EIF4E3: variants seen among roughly 807,000 people sequenced by gnomAD.
EIF4E3 encodes eukaryotic translation initiation factor 4E type 3.
A neutral mutation model predicts 31.7 loss-of-function variants in EIF4E3; 26 were observed. The observed-to-expected ratio is 0.82, with a 90% CI of 0.60 to 1.14. The LOEUF (loss-of-function observed/expected upper bound fraction) is 1.14. EIF4E3 is among the 50% of genes most tolerant of loss of function. The probability of loss-of-function intolerance (pLI) is 0.00; values close to 1 mark genes in which losing one functional copy is unlikely to be tolerated. For synonymous variants in EIF4E3, 128 were observed against 107.7 expected (o/e 1.19, Z -1.17); for missense variants, 304 against 270.9 (o/e 1.12, Z -0.86).
At chr3:71,695,756 A>C (rs1400169967) in intron 4 of EIF4E3, among the ~76,000 whole-genome samples, 1 of 152,244 alleles carries the variant, frequency 6.6e-6, no homozygotes, top group Non-Finnish European at 1.5e-5. Flanking sequence ...AACCATGAAA[A>C]GGTAAAACTG....
intron 2 of EIF4E3, among the ~76,000 whole-genome samples, chr3:71,701,010 A>T (rs1299711444): frequency 6.6e-6 from 1 of 152,088 alleles, no homozygotes; most frequent in East Asian, 1.9e-4. Context: ...ATACAAGGAG[A>T]GGATGGCCAT....
chr3:71,705,787 C>T (rs952351353), intron 2 of EIF4E3, among the ~76,000 whole-genome samples: 7 of 152,112 alleles, frequency 4.6e-5, no homozygotes, highest in Non-Finnish European at 7.3e-5. Context: ...GTTCAAAAGC[C>T]GTGTTCTATT....
intron 1 of EIF4E3, among the ~76,000 whole-genome samples, chr3:71,736,469 G>A (rs141620921): frequency 5.6e-4 from 85 of 152,264 alleles, no homozygotes; most frequent in African/African-American, 2.0e-3. Context: ...ATCATTCACT[G>A]CTAAAAAGCA....
At chr3:71,688,234 G>A (rs888006507) in intron 6 of EIF4E3, among the ~76,000 whole-genome samples, 4 of 152,118 alleles carry the variant, frequency 2.6e-5, no homozygotes, top group African/African-American at 9.7e-5. Flanking sequence ...CATCACAACA[G>A]CTAAGCAGTG....
At chr3:71,672,482 G>A (rs1276621273), downstream of EIF4E3, among the ~76,000 whole-genome samples, 1 of 152,182 alleles carries the variant, frequency 6.6e-6, no homozygotes, top group Non-Finnish European at 1.5e-5. Context: ...CCATCCCACA[G>A]CCTGAGCAGG....
At chr3:71,736,461 C>T (rs2049764445) in intron 1 of EIF4E3, among the ~76,000 whole-genome samples, 1 of 152,196 alleles carries the variant, frequency 6.6e-6, no homozygotes, top group African/African-American at 2.4e-5. Context: ...AATGGAATAT[C>T]ATTCACTGCT....
At chr3:71,730,502 T>C (rs931554062) in intron 1 of EIF4E3, among the ~76,000 whole-genome samples, 1 of 152,172 alleles carries the variant, frequency 6.6e-6, no homozygotes, top group Non-Finnish European at 1.5e-5. Flanking sequence ...AGGCCTCTCT[T>C]GTTCAGAGCT....
intron 2 of EIF4E3, among the ~76,000 whole-genome samples, chr3:71,707,685 G>A (rs988192487): frequency 3.3e-5 from 5 of 151,756 alleles, no homozygotes; most frequent in Non-Finnish European, 7.4e-5. Flanking sequence ...CAGAGACACC[G>A]TATGTTTATG....
chr3:71,659,764 T>G, the EIF4E3 span, among the ~76,000 whole-genome samples: 1 of 152,226 alleles, frequency 6.6e-6, no homozygotes, highest in Non-Finnish European at 1.5e-5. Flanking sequence ...TTCCACATCC[T>G]GCTTCTCCAT....
chr3:71,747,049 G>C (rs941202108), intron 1 of EIF4E3, among the ~76,000 whole-genome samples: 1 of 152,138 alleles, frequency 6.6e-6, no homozygotes, highest in Non-Finnish European at 1.5e-5. Context: ...CCTTTGTGTT[G>C]CTTTATCCTT....
intron 1 of EIF4E3, among the ~76,000 whole-genome samples, chr3:71,744,436 A>G (rs935813815): frequency 6.6e-6 from 1 of 152,212 alleles, no homozygotes; most frequent in East Asian, 1.9e-4. Flanking sequence ...ATTTCCAGAT[A>G]CGTAAAAAAT....
intron 1 of EIF4E3, among the ~76,000 whole-genome samples, chr3:71,738,912 CA>C (rs1427772512): frequency 7.1e-6 from 1 of 141,632 alleles, no homozygotes; most frequent in Non-Finnish European, 1.5e-5. Context: ...CAAAACTTAA[CA>C]AATGTAAAAT....
chr3:71,750,603 G>A (rs2049916627), intron 1 of EIF4E3, among the ~76,000 whole-genome samples: 1 of 152,172 alleles, frequency 6.6e-6, no homozygotes, highest in South Asian at 2.1e-4. Flanking sequence ...TGTTTGTGGA[G>A]ATCATGAGGA....
intron 2 of EIF4E3, among the ~76,000 whole-genome samples, chr3:71,708,569 A>G (rs897945184): frequency 6.6e-6 from 1 of 150,956 alleles, no homozygotes; most frequent in African/African-American, 2.4e-5. Context: ...TCTACCAAAT[A>G]CCCTGGGTTA....
At chr3:71,707,082 A>G (rs2108068022) in intron 2 of EIF4E3, among the ~76,000 whole-genome samples, 1 of 152,366 alleles carries the variant, frequency 6.6e-6, no homozygotes, top group South Asian at 2.1e-4. Context: ...AAGCAGTGGT[A>G]TATAGTTTCC....
At chr3:71,714,301 G>GGAAGGAAA (rs1224054057) in intron 1 of EIF4E3, among the ~76,000 whole-genome samples, 1 of 93,978 alleles carries the variant, frequency 1.1e-5, no homozygotes, top group African/African-American at 4.6e-5. Context: ...AAGGAAGGAA[G>GGAAGGAAA]GAACGAAAGA....
intron 1 of EIF4E3, among the ~76,000 whole-genome samples, chr3:71,752,423 T>C (rs1194229674): frequency 6.6e-6 from 1 of 152,186 alleles, no homozygotes. Context: ...CCTGACTGCC[T>C]GCAGACTAAA....
intron 3 of EIF4E3, among the ~76,000 whole-genome samples, chr3:71,698,089 T>C (rs1283682134): frequency 6.6e-6 from 1 of 152,250 alleles, no homozygotes; most frequent in Non-Finnish European, 1.5e-5. Context: ...ATTACCTGTC[T>C]TTTGGATAAA....
Position 71,690,130 on chromosome 3 carries a change from C to A in EIF4E3, c.508G>T (p.Asp170Tyr), listed in dbSNP as rs199804601. The A allele has an allele frequency of 3.1e-5, 50 of 1,613,368 alleles. 1 individual carries two copies. The South Asian group carries it at 5.4e-4, about 17-fold the overall frequency. ...EVIGVSVSVR[D>Y]REDVVQVWNV... ...CAGACTTGGACGACGTCTTCTCGGT[C>A]CCGAACACTGACACTAACTCCTATT... Residue 170 changes from aspartate (D) to tyrosine (Y), a missense_variant, in exon 6 of 7, where the codon GAC becomes TAC. Physicochemically the swap from Asp to Tyr is radical, Grantham distance 160. Transcript: ENST00000425534.
Sources: gnomAD v4.1 joint callset for allele counts (sites outside exome capture counted in the v4.1 genomes callset) on GRCh38, gnomAD v4.1.1 for gene constraint, MANE v1.5 for transcripts, NCBI Gene and HGNC (gene_info 2026-07-23, HGNC 2026-07-21) for gene names.